The following ASIC2 variants were observed in gnomAD, a reference collection of about 807,000 sequenced individuals.
ASIC2 encodes the protein acid-sensing ion channel 2.
In ASIC2, 25 loss-of-function variants were observed where a neutral mutation model predicts 57.3. That is an observed-to-expected ratio of 0.44 (90% confidence interval 0.32 to 0.61). The LOEUF is 0.61. Ranked by LOEUF, ASIC2 falls within the 20% of genes least tolerant of loss-of-function variation. The pLI is 0.06. For missense variants in ASIC2, 641 were observed against 738.1 expected (o/e 0.87, Z 1.52); for synonymous variants, 319 against 307.5 (o/e 1.04, Z -0.39).
At chr17:34,076,650 T>C (rs1233680958) in intron 1 of ASIC2, among the ~76,000 whole-genome samples, 2 of 152,194 alleles carry the variant, frequency 1.3e-5, no homozygotes, top group African/African-American at 2.4e-5. Context: ...TGTCTTCCCA[T>C]GTGGTCGCCC....
intron 6 of ASIC2, among the ~76,000 whole-genome samples, chr17:33,021,662 G>A (rs536867083): frequency 1.4e-3 from 210 of 152,306 alleles, no homozygotes; most frequent in African/African-American, 4.8e-3. Context: ...CTTCTGACAA[G>A]GCTTGTCTTG....
At chr17:33,393,892 A>T (rs930179509) in intron 1 of ASIC2, among the ~76,000 whole-genome samples, 2 of 152,186 alleles carry the variant, frequency 1.3e-5, no homozygotes, top group African/African-American at 4.8e-5. Flanking sequence ...GGGACAGGGG[A>T]CCATGCTTCT....
intron 1 of ASIC2, among the ~76,000 whole-genome samples, chr17:33,505,777 C>G (rs924778879): frequency 4.6e-5 from 7 of 152,244 alleles, no homozygotes; most frequent in African/African-American, 1.7e-4. Context: ...TCTGTGAACT[C>G]TCAACCTTGC....
intron 1 of ASIC2, among the ~76,000 whole-genome samples, chr17:33,393,650 A>T (rs1175287826): frequency 6.6e-6 from 1 of 152,188 alleles, no homozygotes; most frequent in African/African-American, 2.4e-5. Context: ...TGTGGAGAGG[A>T]TGAAGTAGGG....
chr17:34,088,008 G>A (rs1294482985), intron 1 of ASIC2, among the ~76,000 whole-genome samples: 1 of 152,182 alleles, frequency 6.6e-6, no homozygotes, highest in Non-Finnish European at 1.5e-5. Flanking sequence ...GCTTGGAGTA[G>A]TTTGATCATC....
chr17:33,779,967 CTTTTTTT>C (rs759850922), intron 1 of ASIC2, among the ~76,000 whole-genome samples: 10 of 85,186 alleles, frequency 1.2e-4, no homozygotes, highest in African/African-American at 3.4e-4. Flanking sequence ...CTACAGAAGC[CTTTTTTT>C]TTTTTTTTTT....
chr17:33,182,637 C>G lies in ASIC2; in HGVS notation c.709-70570G>C, dbSNP rs79128253. Reference sequence around the variant, plus strand: ...CATATTTGAGATTCAAGAAGCCTCTCTCTCTATCATAATGGACAAGGCAAC... The same window carrying G: ...CATATTTGAGATTCAAGAAGCCTCTGTCTCTATCATAATGGACAAGGCAAC... On this transcript the variant is annotated intron_variant, in intron 1 of 9. Coordinates refer to ENST00000225823, the MANE Select transcript of ASIC2 (RefSeq NM_183377.2). 1.9e-3 allele frequency among the ~76,000 whole-genome samples: 287 copies of G among 152,276 alleles called. 2 individuals are homozygous for G. Among genetic ancestry groups the G allele is most frequent in the Non-Finnish European group, 3.6e-3 (246 of 68,008 alleles).
chr17:33,569,008 T>A (rs556771179), intron 1 of ASIC2: 12 of 152,220 alleles, frequency 7.9e-5, no homozygotes, highest in Non-Finnish European at 1.6e-4. Context: ...ATGTCTTCCC[T>A]TGAAGGTCAG....
chr17:34,028,011 A>G (rs1292552561), intron 1 of ASIC2, among the ~76,000 whole-genome samples: 2 of 152,222 alleles, frequency 1.3e-5, no homozygotes, highest in Non-Finnish European at 2.9e-5. Flanking sequence ...AGGTATTGTT[A>G]TCATATTCCA....
chr17:33,623,239 T>TG (rs1905858245), intron 1 of ASIC2, among the ~76,000 whole-genome samples: 1 of 44,618 alleles, frequency 2.2e-5, no homozygotes, highest in African/African-American at 1.2e-4. Flanking sequence ...TGATATCGTT[T>TG]TTTTTTGTTT....
At chr17:34,140,191 A>C (rs1172408533) in intron 1 of ASIC2, among the ~76,000 whole-genome samples, 2 of 152,210 alleles carry the variant, frequency 1.3e-5, no homozygotes, top group Non-Finnish European at 2.9e-5. Context: ...ACAGAAGCCC[A>C]GTGGGATAGG....
At chr17:34,020,068 G>A (rs1185548167) in intron 1 of ASIC2, among the ~76,000 whole-genome samples, 1 of 152,122 alleles carries the variant, frequency 6.6e-6, no homozygotes, top group Non-Finnish European at 1.5e-5. Context: ...CTGGTCTCAG[G>A]GATAGGGAAA....
At chr17:33,311,412 G>C (rs1037774732) in intron 1 of ASIC2, among the ~76,000 whole-genome samples, 1 of 143,098 alleles carries the variant, frequency 7.0e-6, no homozygotes. Context: ...GTATGTGTGT[G>C]TGTCTGTCTG....
intron 1 of ASIC2, among the ~76,000 whole-genome samples, chr17:33,416,381 G>T (rs893744977): frequency 2.0e-5 from 3 of 152,154 alleles, no homozygotes; most frequent in African/African-American, 7.2e-5. Flanking sequence ...TGCACTCCAG[G>T]GTCCTTGCCA....
chr17:33,925,497 C>A (rs12942643), intron 1 of ASIC2, among the ~76,000 whole-genome samples: 3,569 of 152,296 alleles, frequency 0.023, 159 homozygotes, highest in African/African-American at 0.081. Flanking sequence ...GAGTGTGGTG[C>A]AAGTCACAAT....
rs1161136261 is a variant in ASIC2, at chr17:34,131,268, A to C, written c.555+24710T>G. Among the ~76,000 whole-genome samples, 3 of 152,032 alleles carry C rather than the reference A, an allele frequency of 2.0e-5. No individual in the cohort carries two copies. The East Asian group carries it at 5.8e-4, about 29-fold the overall frequency. On this transcript the variant is annotated intron_variant, in intron 1 of 9. Transcript: ENST00000359872. ...TGACATATTGAGAGCTGTGTTTCAG[A>C]CAGGGCCATTTGGTCATGGGAATAA...
rs375695905 is a variant in ASIC2 at position 33,827,337 on chromosome 17, C to CTTTTTTTTTTTTTTTT, written c.555+328640_555+328641insAAAAAAAAAAAAAAAA. 1.8e-4 allele frequency among the ~76,000 whole-genome samples: 14 copies of CTTTTTTTTTTTTTTTT among 76,532 alleles called. 3 individuals carry two copies. The highest frequency in any genetic ancestry group is 3.0e-4 in the East Asian group (1 of 3,312). The allele number at this position is 76,532 out of a possible 152,430, so 50.2% of individuals were successfully genotyped here. A position where few individuals can be genotyped will look rare whatever the true frequency, so the allele number is the denominator to read the frequency against. ...GGACTAGGTCCTGTTGCAGCTCACT[C>CTTTTTTTTTTTTTTTT]TTTTTTTTTTTTGAGACAGAGTCTT... On this transcript the variant is annotated intron_variant, in intron 1 of 9. Transcript: ENST00000359872.
intron 1 of ASIC2, among the ~76,000 whole-genome samples, chr17:33,758,917 C>CAAA (rs56232795): frequency 7.0e-6 from 1 of 141,852 alleles, no homozygotes; most frequent in South Asian, 2.3e-4. Flanking sequence ...AAGCTAATAC[C>CAAA]AAAAAAAAAA....
intron 1 of ASIC2, among the ~76,000 whole-genome samples, chr17:33,277,545 C>A (rs1454588524): frequency 6.6e-6 from 1 of 152,210 alleles, no homozygotes; most frequent in African/African-American, 2.4e-5. Context: ...CCTGTTTTTG[C>A]TGTGGGCAAC....
Sources: allele counts gnomAD v4.1 joint callset (sites outside exome capture counted in the v4.1 genomes callset), GRCh38; gene constraint gnomAD v4.1.1; transcripts MANE v1.5; gene names NCBI Gene and HGNC (gene_info 2026-07-23, HGNC 2026-07-21).